SHPRH: variants seen among roughly 807,000 people sequenced by gnomAD.
SHPRH encodes the protein E3 ubiquitin-protein ligase SHPRH.
SHPRH carries 106 observed loss-of-function variants against 202.5 expected under a neutral mutation model. That is an observed-to-expected ratio of 0.52 (90% CI 0.45 to 0.62). The LOEUF (loss-of-function observed/expected upper bound fraction) is 0.62. Ranked by LOEUF, SHPRH falls within the 20% of genes least tolerant of loss-of-function variation. SHPRH has a pLI of 0.00. For missense variants in SHPRH, 1,710 were observed against 2,020.0 expected, an observed-to-expected ratio of 0.85 and a Z score of 2.94; for synonymous variants, 729 against 686.0, an observed-to-expected ratio of 1.06 and a Z score of -0.98.
Position 145,948,351 on chromosome 6 carries a change from C to T in SHPRH, c.983-1G>A. The T allele has an allele frequency of 6.3e-7, 1 of 1,592,790 alleles. No individual in the cohort carries two copies. ...CGCCATAAGAAGTGCAGGGCACTTT[C>T]TAAAGAAAAATATAATCATAATAAC... On this transcript the variant is annotated splice_acceptor_variant, in intron 4 of 29. Transcript: ENST00000275233. LOFTEE classifies it high-confidence loss of function.
chr6:145,909,946 CA>C (rs1007607758), intron 25 of SHPRH: 9 of 151,990 alleles, frequency 5.9e-5, no homozygotes, highest in African/African-American at 2.2e-4. Flanking sequence ...AAAATAAAGC[CA>C]AAATTTGGCT....
rs746442717 is a variant in SHPRH, at chr6:145,947,482, T to C, written c.1212+11A>G. On this transcript the variant is annotated intron_variant, in intron 6 of 29. Transcript: ENST00000275233. Reference sequence around the variant, plus strand: ...TCCCCTGCTTTTGCAAGCCCTACTATACCCTCCTACCTCGGGAAGAGTGAG... The same window carrying C: ...TCCCCTGCTTTTGCAAGCCCTACTACACCCTCCTACCTCGGGAAGAGTGAG... 5.0e-6 allele frequency: 8 copies of C among 1,611,980 alleles called. No homozygotes were observed. The highest frequency in any genetic ancestry group is 1.7e-5 in the Admixed American group (1 of 59,840).
At chr6:145,952,696 G>A (rs1263539685) in intron 2 of SHPRH, among the ~76,000 whole-genome samples, 1 of 151,894 alleles carries the variant, frequency 6.6e-6, no homozygotes, top group Admixed American at 6.6e-5. Context: ...TCGAGTTGCT[G>A]GAAAAAAATA....
chr6:145,962,185 T>G (rs1789155192), intron 1 of SHPRH, among the ~76,000 whole-genome samples: 1 of 152,206 alleles, frequency 6.6e-6, no homozygotes, highest in Non-Finnish European at 1.5e-5. Flanking sequence ...AAGGCTTCCA[T>G]GACTAGAGAA....
chr6:145,924,484 T>C (rs1784693905), intron 17 of SHPRH, among the ~76,000 whole-genome samples: 1 of 151,916 alleles, frequency 6.6e-6, no homozygotes, highest in Admixed American at 6.6e-5. Flanking sequence ...AACTGTTATA[T>C]ACTCATGGTA....
rs774291459 is a variant in SHPRH at position 145,948,290 on chromosome 6, T to C, written c.1043A>G (p.Tyr348Cys). The change falls in exon 5 of 30, where the codon TAT (tyrosine) becomes TGT (cysteine). Residue 348 changes from tyrosine to cysteine, a missense_variant. By Grantham distance (194) the Tyr-to-Cys change is radical. Coordinates refer to ENST00000275233, the MANE Select transcript of SHPRH (RefSeq NM_001042683.3). ...IVTSEGLKLY[Y>C]NPYTGCIIRE... ...GCCTTACCAGCCTGTATATGGATTA[T>C]AGTAGAGTTTCAGACCCTCAGATGT... The C allele has an allele frequency of 2.5e-6, 4 of 1,602,890 alleles. No individual in the cohort carries two copies. The highest frequency in any genetic ancestry group is 1.7e-4 in the Middle Eastern group (1 of 6,012).
intron 14 of SHPRH, among the ~76,000 whole-genome samples, chr6:145,928,212 AT>A (rs1201488724): frequency 6.6e-6 from 1 of 151,932 alleles, no homozygotes; most frequent in Non-Finnish European, 1.5e-5. Flanking sequence ...ATGCCTATGT[AT>A]TATCTGCTTC....
chr6:145,892,694 A>G (rs1583311862), intron 28 of SHPRH, among the ~76,000 whole-genome samples: 1 of 152,108 alleles, frequency 6.6e-6, no homozygotes, highest in East Asian at 1.9e-4. Context: ...AATATTCATT[A>G]TTAGGTTTGC....
Position 145,919,349 on chromosome 6 carries a change from TC to T in SHPRH, c.4150del (p.Glu1384ArgfsTer2). 1 of 1,612,722 alleles carries T rather than the reference TC, an allele frequency of 6.2e-7. No homozygotes were observed. Among genetic ancestry groups the T allele is most frequent in the Non-Finnish European group, 8.5e-7 (1 of 1,179,138 alleles). On this transcript the variant is annotated frameshift_variant and splice_region_variant, in exon 22 of 30. Coordinates refer to ENST00000275233, the MANE Select transcript of SHPRH (RefSeq NM_001042683.3). LOFTEE classifies it high-confidence loss of function. Reference sequence around the variant, plus strand: ...TTCTGTGATTTACTTGCCAATTACCTCATGTGGTTCAATGATATGAAGAACA... The same window carrying T: ...TTCTGTGATTTACTTGCCAATTACCTATGTGGTTCAATGATATGAAGAACA... ...PPVLHIIEPH[E>X]VEQNRIKLLN... is the part of the protein sequence containing the mutation.
At chr6:145,960,771 C>T (rs1446491278) in intron 1 of SHPRH, among the ~76,000 whole-genome samples, 5 of 152,134 alleles carry the variant, frequency 3.3e-5, no homozygotes, top group African/African-American at 1.2e-4. Context: ...GTAGTTGCTA[C>T]TTATCATCAT....
intron 17 of SHPRH, 125 bp from the exon 18 acceptor site, chr6:145,923,910 C>A: frequency 1.1e-6 from 1 of 916,904 alleles, no homozygotes; most frequent in Non-Finnish European, 1.6e-6. Context: ...AAGGGACTAT[C>A]ACAGAGGGGA....
At chr6:145,932,931 G>A (rs1785625193) in intron 14 of SHPRH, 126 bp downstream of exon 14, 1 of 1,075,278 alleles carries the variant, frequency 9.3e-7, no homozygotes, top group African/African-American at 1.6e-5. Context: ...ACTATATTCA[G>A]TAGTGTGTGA....
At chr6:145,910,077 C>T in intron 25 of SHPRH, 1 of 161,830 alleles carries the variant, frequency 6.2e-6, no homozygotes, top group Non-Finnish European at 1.3e-5. Context: ...TTTTTCCTTA[C>T]ATTCAGGGAT....
At chr6:145,940,139 T>C (rs1011596598) in intron 11 of SHPRH, among the ~76,000 whole-genome samples, 7 of 152,118 alleles carry the variant, frequency 4.6e-5, no homozygotes, top group Non-Finnish European at 1.0e-4. Flanking sequence ...AATGCACGTG[T>C]GGAGAGGAGG....
At chr6:145,903,142 A>G (rs1292751501) in intron 25 of SHPRH, 1 of 151,852 alleles carries the variant, frequency 6.6e-6, no homozygotes, top group African/African-American at 2.4e-5. Flanking sequence ...ATGTTATATA[A>G]AACTTATATA....
chr6:145,917,545 TTAC>T (rs1214735502), intron 23 of SHPRH: 2 of 152,104 alleles, frequency 1.3e-5, no homozygotes, highest in Non-Finnish European at 2.9e-5. Flanking sequence ...ATCCAAATAT[TTAC>T]TACTATATCT....
rs186991309 is a variant in SHPRH, at chr6:145,927,705, A to T, written c.3113-428T>A. Reference sequence around the variant, plus strand: ...TTATAGATTATTTATTAAAAAAAAAATTTAAGACACTCCAACCAACCCACA... The same window carrying T: ...TTATAGATTATTTATTAAAAAAAAATTTTAAGACACTCCAACCAACCCACA... On this transcript the variant is annotated intron_variant, in intron 14 of 29. Coordinates refer to ENST00000275233, the MANE Select transcript of SHPRH (RefSeq NM_001042683.3). Among the ~76,000 whole-genome samples, 778 of 151,896 alleles carry T rather than the reference A, an allele frequency of 5.1e-3. 4 individuals carry two copies. The highest frequency in any genetic ancestry group is 0.018 in the African/African-American group (757 of 41,500).
At chr6:145,867,246 A>C (rs1779818416) in intron 2 of SHPRH, among the ~76,000 whole-genome samples, 1 of 152,088 alleles carries the variant, frequency 6.6e-6, no homozygotes, top group Non-Finnish European at 1.5e-5. Flanking sequence ...CTCAAGGTTC[A>C]CAGGAAGGCA....
At position 145,955,254 on chromosome 6, in the gene SHPRH, C is replaced by G. The variant is rs1386846574; in HGVS notation, c.69G>C (p.Trp23Cys). ...CATTCCTTCTGTCCTCATGCATATTCCAATGAAGCTGCTGCCTCTTTTCCT... is the reference window on the plus strand; with the variant it reads ...CATTCCTTCTGTCCTCATGCATATTGCAATGAAGCTGCTGCCTCTTTTCCT... Reference protein sequence around the residue: ...VDEEKRQQLHWNMHEDRRNEP... With the variant: ...VDEEKRQQLHCNMHEDRRNEP... Residue 23 changes from tryptophan to cysteine, a missense_variant, in exon 2 of 30, where the codon TGG (tryptophan) becomes TGC (cysteine). By Grantham distance (215) the Trp-to-Cys change is radical. Transcript: ENST00000275233. 2 of 1,612,700 alleles carry G rather than the reference C, an allele frequency of 1.2e-6. No individual in the cohort carries two copies. Among genetic ancestry groups the G allele is most frequent in the African/African-American group, 1.3e-5 (1 of 75,024 alleles).
Sources: allele counts gnomAD v4.1 joint callset (sites outside exome capture counted in the v4.1 genomes callset), GRCh38; gene constraint gnomAD v4.1.1; transcripts MANE v1.5; gene names NCBI Gene and HGNC (gene_info 2026-07-23, HGNC 2026-07-21).